SHISAL1: variants seen among roughly 807,000 people sequenced by gnomAD.
SHISAL1 encodes protein shisa-like-1.
Under a neutral mutation model 22.6 loss-of-function variants are expected in SHISAL1, and 9 were observed. That is an observed-to-expected ratio of 0.40 (90% CI 0.24 to 0.70). SHISAL1 has a LOEUF of 0.70. SHISAL1 is among the 30% of genes least tolerant of loss of function. SHISAL1 has a pLI of 0.39. For synonymous variants in SHISAL1, 119 were observed against 115.4 expected (o/e 1.03, Z -0.20); for missense variants, 246 against 270.6 (o/e 0.91, Z 0.64).
At chr22:44,266,540 G>GTGTT (rs2055164993) in intron 4 of SHISAL1, among the ~76,000 whole-genome samples, 1 of 147,188 alleles carries the variant, frequency 6.8e-6, no homozygotes, top group Non-Finnish European at 1.5e-5. Flanking sequence ...GTGTGTGTGT[G>GTGTT]TGTGTGTGTG....
chr22:44,243,965 T>C lies in SHISAL1; in HGVS notation c.*5720A>G, dbSNP rs1183414394. The C allele has an allele frequency of 1.3e-5, 2 of 152,298 alleles. No individual in the cohort carries two copies. The highest frequency in any genetic ancestry group is 4.8e-5 in the African/African-American group (2 of 41,432). The allele number at this position is 152,298 out of a possible 1,614,324, so 9.4% of individuals were successfully genotyped here. ...GCCCTGGGGACGACACATCAGCCTT[T>C]TGTGGGAGGTCTCCTGCCTTGTTAA... On this transcript the variant is annotated 3_prime_UTR_variant, in exon 5 of 5. Coordinates refer to ENST00000381176, the MANE Select transcript of SHISAL1 (RefSeq NM_001099294.2).
rs114068031 is a variant in SHISAL1 at position 44,274,797 on chromosome 22, C to T, written c.599+10631G>A. On this transcript the variant is annotated intron_variant, in intron 4 of 4. Coordinates refer to ENST00000381176, the MANE Select transcript of SHISAL1 (RefSeq NM_001099294.2). ...ATCTGTGTGTGAGCGGGATCCCGAG[C>T]GGCTTTTCTTTTCCTATTTTTTACT... Among the ~76,000 whole-genome samples, 309 of 152,276 alleles carry T rather than the reference C, an allele frequency of 2.0e-3. 3 individuals carry two copies. Among genetic ancestry groups the T allele is most frequent in the African/African-American group, 6.6e-3 (276 of 41,546 alleles).
intron 4 of SHISAL1, among the ~76,000 whole-genome samples, chr22:44,258,375 G>A (rs1264693200): frequency 6.6e-6 from 1 of 152,196 alleles, no homozygotes; most frequent in East Asian, 1.9e-4. Flanking sequence ...ACAGCTAAAC[G>A]TGTGTCATGG....
chr22:44,261,766 T>G (rs1468742600), intron 4 of SHISAL1, among the ~76,000 whole-genome samples: 2 of 152,236 alleles, frequency 1.3e-5, no homozygotes, highest in Non-Finnish European at 2.9e-5. Flanking sequence ...CAGGAAACTG[T>G]TCCTGTGTGG....
chr22:44,320,670 T>C, the SHISAL1 span, among the ~76,000 whole-genome samples: 1 of 152,222 alleles, frequency 6.6e-6, no homozygotes, highest in Non-Finnish European at 1.5e-5. Flanking sequence ...CCTCCCCCTG[T>C]GACCCCCTCT....
chr22:44,304,966 C>T (rs145906304), intron 1 of SHISAL1, among the ~76,000 whole-genome samples: 310 of 152,282 alleles, frequency 2.0e-3, no homozygotes, highest in African/African-American at 7.2e-3. Context: ...CTGGCCCCTG[C>T]TCCTGGTGCT....
chr22:44,290,347 C>T (rs533114939), intron 3 of SHISAL1, among the ~76,000 whole-genome samples: 29 of 152,136 alleles, frequency 1.9e-4, no homozygotes, highest in South Asian at 1.2e-3. Context: ...CTGACTAATA[C>T]GGAGAAACCC....
chr22:44,260,024 A>T (rs572211178), intron 4 of SHISAL1, among the ~76,000 whole-genome samples: 77 of 152,268 alleles, frequency 5.1e-4, no homozygotes, highest in African/African-American at 1.7e-3. Context: ...ACTTCAAGAC[A>T]ACGGTGAGTT....
At chr22:44,263,572 A>G (rs1441072388) in intron 4 of SHISAL1, among the ~76,000 whole-genome samples, 1 of 152,190 alleles carries the variant, frequency 6.6e-6, no homozygotes, top group African/African-American at 2.4e-5. Flanking sequence ...GTTTTGGGAG[A>G]GAGAGATGAG....
intron 4 of SHISAL1, among the ~76,000 whole-genome samples, chr22:44,272,615 G>A (rs915593291): frequency 6.6e-6 from 1 of 152,228 alleles, no homozygotes; most frequent in Non-Finnish European, 1.5e-5. Context: ...CCTTGGGGGG[G>A]ACTAAATACC....
intron 3 of SHISAL1, among the ~76,000 whole-genome samples, chr22:44,293,702 T>A (rs2055368161): frequency 6.6e-6 from 1 of 152,174 alleles, no homozygotes; most frequent in Non-Finnish European, 1.5e-5. Context: ...CTCCCCTTCC[T>A]CATCTGTAAA....
Position 44,290,465 on chromosome 22 carries a change from G to A in SHISAL1, c.282-4720C>T, listed in dbSNP as rs555336994. On this transcript the variant is annotated intron_variant, in intron 3 of 4. Transcript: ENST00000381176. ...AATTGCTTTAACCCGGGAGGCGGAG[G>A]TTGTGGTGAGCTGTGATTGTGCCAT... Among the ~76,000 whole-genome samples the A allele has an allele frequency of 6.6e-4, 99 of 150,124 alleles. 1 individual carries two copies. The highest frequency in any genetic ancestry group is 7.4e-4 in the Non-Finnish European group (50 of 67,754).
intron 3 of SHISAL1, among the ~76,000 whole-genome samples, chr22:44,288,283 C>T (rs1344236906): frequency 3.3e-5 from 5 of 152,160 alleles, no homozygotes; most frequent in African/African-American, 1.2e-4. Context: ...TCTAGAGTTG[C>T]GCTCCTCACC....
At chr22:44,278,939 C>A (rs2055258380) in intron 4 of SHISAL1, among the ~76,000 whole-genome samples, 1 of 152,096 alleles carries the variant, frequency 6.6e-6, no homozygotes, top group Non-Finnish European at 1.5e-5. Flanking sequence ...CCACTGTGTA[C>A]CCTCGGGACC....
At chr22:44,325,673 C>G in the SHISAL1 span, among the ~76,000 whole-genome samples, 1 of 152,176 alleles carries the variant, frequency 6.6e-6, no homozygotes, top group Non-Finnish European at 1.5e-5. Context: ...GCTCAGCTCT[C>G]TCCTTTAGGG....
chr22:44,265,838 G>A (rs1372649451), intron 4 of SHISAL1, among the ~76,000 whole-genome samples: 2 of 152,212 alleles, frequency 1.3e-5, no homozygotes, highest in Non-Finnish European at 2.9e-5. Context: ...CAAATCTGCT[G>A]TAGAGCCAGG....
At chr22:44,272,608 TG>T (rs1035839431) in intron 4 of SHISAL1, among the ~76,000 whole-genome samples, 1 of 152,126 alleles carries the variant, frequency 6.6e-6, no homozygotes, top group African/African-American at 2.4e-5. Context: ...GACGTTTCCT[TG>T]GGGGGGACTA....
chr22:44,319,407 C>T, the SHISAL1 span, among the ~76,000 whole-genome samples: 1 of 152,228 alleles, frequency 6.6e-6, no homozygotes, highest in Admixed American at 6.5e-5. Flanking sequence ...AGGCTCTTGG[C>T]CTTGGCCCTT....
intron 1 of SHISAL1, among the ~76,000 whole-genome samples, chr22:44,307,589 A>G (rs2055488287): frequency 6.6e-6 from 1 of 152,206 alleles, no homozygotes; most frequent in Non-Finnish European, 1.5e-5. Flanking sequence ...AACAACTGGA[A>G]GAACATTCTG....
Sources: allele counts gnomAD v4.1 joint callset (sites outside exome capture counted in the v4.1 genomes callset), GRCh38; gene constraint gnomAD v4.1.1; transcripts MANE v1.5; gene names NCBI Gene and HGNC (gene_info 2026-07-23, HGNC 2026-07-21).